Variants in TEAD1 observed in about 807,000 individuals in gnomAD.
TEAD1 encodes the protein transcriptional enhancer factor TEF-1.
In TEAD1, 9 loss-of-function variants were observed where a neutral mutation model predicts 54.9. That is an observed-to-expected ratio of 0.16 (90% CI 0.10 to 0.29). The LOEUF (loss-of-function observed/expected upper bound fraction) is 0.29. Ranked by LOEUF, TEAD1 falls within the 10% of genes least tolerant of loss-of-function variation. The pLI, the probability that TEAD1 is intolerant of heterozygous loss-of-function variation, is 1.00. For missense variants in TEAD1, 387 were observed against 535.9 expected, an observed-to-expected ratio of 0.72 and a Z score of 2.74; for synonymous variants, 200 against 187.8, an observed-to-expected ratio of 1.07 and a Z score of -0.53.
intron 3 of TEAD1, among the ~76,000 whole-genome samples, chr11:12,778,391 A>C (rs1020771113): frequency 6.6e-6 from 1 of 152,038 alleles, no homozygotes; most frequent in African/African-American, 2.4e-5. Flanking sequence ...TTTGCTTTGT[A>C]AACTCCTACT....
chr11:12,860,478 C>G (rs1290535669), intron 3 of TEAD1, among the ~76,000 whole-genome samples: 2 of 152,156 alleles, frequency 1.3e-5, no homozygotes, highest in Non-Finnish European at 2.9e-5. Flanking sequence ...CTAGGACATT[C>G]TAGGCAGTGA....
intron 2 of TEAD1, among the ~76,000 whole-genome samples, chr11:12,746,879 G>A (rs866777138): frequency 1.3e-5 from 2 of 152,356 alleles, no homozygotes; most frequent in African/African-American, 2.4e-5. Flanking sequence ...CTGCAGCAGG[G>A]GCTGGGATGC....
In TEAD1 at chr11:12,881,070, G is replaced by T. The variant is rs1406458707; in HGVS notation, c.512+19G>T. ...CACAAGAGTAAGTCTGAGGAGGGGT[G>T]GGCACTGACAACTACGGGCTGGTCC... On this transcript the variant is annotated intron_variant, in intron 7 of 12. Transcript: ENST00000527636. 1 of 1,613,956 alleles carries T rather than the reference G, an allele frequency of 6.2e-7. No individual in the cohort carries two copies.
chr11:12,742,524 C>T (rs1311783844), intron 2 of TEAD1, among the ~76,000 whole-genome samples: 1 of 151,978 alleles, frequency 6.6e-6, no homozygotes, highest in Non-Finnish European at 1.5e-5. Context: ...AACATGGTGA[C>T]TGTAGTTAAT....
At chr11:12,799,009 C>T (rs548916370) in intron 3 of TEAD1, among the ~76,000 whole-genome samples, 38 of 152,330 alleles carry the variant, frequency 2.5e-4, no homozygotes, top group Non-Finnish European at 4.0e-4. Context: ...AAGATTAGAA[C>T]ACTTGGTATC....
chr11:12,736,831 G>A (rs1944542134), intron 2 of TEAD1, among the ~76,000 whole-genome samples: 1 of 152,108 alleles, frequency 6.6e-6, no homozygotes, highest in South Asian at 2.1e-4. Flanking sequence ...TTTTCTTATA[G>A]GATCTCCTTT....
chr11:12,869,169 G>A (rs1223394327), intron 5 of TEAD1, among the ~76,000 whole-genome samples: 1 of 152,130 alleles, frequency 6.6e-6, no homozygotes. Flanking sequence ...GGGCATACAT[G>A]GGGTTCATTC....
chr11:12,730,281 G>A (rs1944393245), intron 2 of TEAD1, among the ~76,000 whole-genome samples: 1 of 152,170 alleles, frequency 6.6e-6, no homozygotes, highest in African/African-American at 2.4e-5. Context: ...GCAGAACCTT[G>A]TGAGGTTGTA....
intron 10 of TEAD1, among the ~76,000 whole-genome samples, chr11:12,915,701 T>A (rs1948699826): frequency 6.6e-6 from 1 of 151,936 alleles, no homozygotes; most frequent in Non-Finnish European, 1.5e-5. Context: ...ATACAAAAAT[T>A]AGTGTGGTGG....
At chr11:12,880,946 C>T (rs1589953958) in intron 6 of TEAD1, 59 bp from the exon 7 acceptor site, 3 of 1,598,098 alleles carry the variant, frequency 1.9e-6, no homozygotes, top group African/African-American at 2.7e-5. Context: ...GCGTAGGCAT[C>T]CTAAACTGTG....
intron 2 of TEAD1, among the ~76,000 whole-genome samples, chr11:12,754,641 C>A (rs1018769308): frequency 6.6e-6 from 1 of 152,106 alleles, no homozygotes; most frequent in African/African-American, 2.4e-5. Flanking sequence ...GATTTTGGAT[C>A]CTGATGTGAG....
chr11:12,891,329 A>G (rs1027929939), intron 9 of TEAD1, among the ~76,000 whole-genome samples: 7 of 152,380 alleles, frequency 4.6e-5, no homozygotes, highest in African/African-American at 1.7e-4. Context: ...CTTCAGGAAC[A>G]CGATGGCTGC....
intron 8 of TEAD1, 111 bp downstream of exon 8, chr11:12,882,068 A>AT (rs1947983143): frequency 1.7e-6 from 2 of 1,181,484 alleles, no homozygotes; most frequent in Middle Eastern, 3.8e-4. Context: ...ACAGCCGCAC[A>AT]TTGCCCCTGA....
At chr11:12,767,625 G>A (rs769235894) in intron 3 of TEAD1, among the ~76,000 whole-genome samples, 29 of 152,176 alleles carry the variant, frequency 1.9e-4, no homozygotes, top group Non-Finnish European at 3.7e-4. Context: ...TTTGGCCACC[G>A]GAGGAGGTGG....
intron 3 of TEAD1, among the ~76,000 whole-genome samples, chr11:12,795,275 T>C (rs938533626): frequency 2.0e-5 from 3 of 152,206 alleles, no homozygotes; most frequent in Admixed American, 6.5e-5. Context: ...ATTATCTTCT[T>C]GTAAGGACAA....
intron 2 of TEAD1, among the ~76,000 whole-genome samples, chr11:12,750,206 A>T (rs570771742): frequency 6.6e-6 from 1 of 152,302 alleles, no homozygotes; most frequent in African/African-American, 2.4e-5. Context: ...TAAGCATAGC[A>T]GCCTGGTTCC....
chr11:12,920,015 T>C (rs1041624634), intron 10 of TEAD1, among the ~76,000 whole-genome samples: 1 of 152,220 alleles, frequency 6.6e-6, no homozygotes, highest in Non-Finnish European at 1.5e-5. Flanking sequence ...TGAGCAACAA[T>C]AGTAGAATGA....
chr11:12,810,819 T>A (rs532990517), intron 3 of TEAD1, among the ~76,000 whole-genome samples: 18 of 152,296 alleles, frequency 1.2e-4, no homozygotes, highest in Admixed American at 1.0e-3. Context: ...TCCTTTGGGC[T>A]GCTAACTCTC....
chr11:12,897,979 A>G (rs2079805603), intron 9 of TEAD1, among the ~76,000 whole-genome samples: 1 of 152,152 alleles, frequency 6.6e-6, no homozygotes, highest in South Asian at 2.1e-4. Flanking sequence ...TGGATGTGTG[A>G]CCTCAGGCAA....
Sources: allele counts gnomAD v4.1 joint callset (sites outside exome capture counted in the v4.1 genomes callset), GRCh38; gene constraint gnomAD v4.1.1; transcripts MANE v1.5; gene names NCBI Gene and HGNC (gene_info 2026-07-23, HGNC 2026-07-21).